TAFA1: variants seen among roughly 807,000 people sequenced by gnomAD.
TAFA1 encodes the protein chemokine-like protein TAFA-1.
In TAFA1, 4 loss-of-function variants were observed where a neutral mutation model predicts 18.5. The observed-to-expected ratio is 0.22, with a 90% CI of 0.11 to 0.49. The LOEUF (loss-of-function observed/expected upper bound fraction) is 0.49. TAFA1 is among the 20% of genes least tolerant of loss of function. The pLI is 0.98. For missense variants in TAFA1, 147 were observed against 169.0 expected, an observed-to-expected ratio of 0.87 and a Z score of 0.72; for synonymous variants, 56 against 55.2, an observed-to-expected ratio of 1.01 and a Z score of -0.06.
intron 2 of TAFA1, among the ~76,000 whole-genome samples, chr3:68,300,159 C>T (rs926756552): frequency 1.3e-5 from 2 of 152,176 alleles, no homozygotes; most frequent in Non-Finnish European, 2.9e-5. Flanking sequence ...GTACTCAATG[C>T]CAGTCCATGA....
At chr3:68,501,931 G>C (rs1384444453) in intron 3 of TAFA1, among the ~76,000 whole-genome samples, 1 of 152,104 alleles carries the variant, frequency 6.6e-6, no homozygotes, top group Non-Finnish European at 1.5e-5. Context: ...AGGCCCTCTG[G>C]CAGGAAAATC....
intron 3 of TAFA1, among the ~76,000 whole-genome samples, chr3:68,424,497 A>AT (rs571162244): frequency 2.6e-5 from 4 of 151,520 alleles, no homozygotes; most frequent in South Asian, 4.2e-4. Flanking sequence ...TGTAACTTTA[A>AT]TTTTTTTTTC....
At chr3:68,407,891 C>G (rs1224066188) in intron 2 of TAFA1, among the ~76,000 whole-genome samples, 1 of 152,144 alleles carries the variant, frequency 6.6e-6, no homozygotes, top group Non-Finnish European at 1.5e-5. Flanking sequence ...AATCAAGCAG[C>G]TATTTTGCCC....
At chr3:68,188,062 C>A (rs1003708717) in intron 2 of TAFA1, among the ~76,000 whole-genome samples, 1 of 151,812 alleles carries the variant, frequency 6.6e-6, no homozygotes, top group African/African-American at 2.4e-5. Context: ...GAATATAAGA[C>A]CTTGTTATCT....
At chr3:67,993,719 C>G in the TAFA1 span, among the ~76,000 whole-genome samples, 26 of 152,276 alleles carry the variant, frequency 1.7e-4, no homozygotes, top group African/African-American at 5.8e-4. Context: ...AGTACATCTT[C>G]TATTTTTACT....
intron 2 of TAFA1, among the ~76,000 whole-genome samples, chr3:68,165,574 C>T (rs1018072909): frequency 3.3e-5 from 5 of 152,220 alleles, no homozygotes; most frequent in Non-Finnish European, 7.3e-5. Flanking sequence ...GGTATGGCTT[C>T]TACTCTCAAA....
intron 2 of TAFA1, among the ~76,000 whole-genome samples, chr3:68,103,173 T>G (rs2065167576): frequency 6.6e-6 from 1 of 152,164 alleles, no homozygotes; most frequent in African/African-American, 2.4e-5. Context: ...TGAGGGGAAG[T>G]GGGTTCAGAA....
At chr3:68,443,314 T>C (rs1055205180) in intron 3 of TAFA1, among the ~76,000 whole-genome samples, 1 of 151,890 alleles carries the variant, frequency 6.6e-6, no homozygotes, top group Non-Finnish European at 1.5e-5. Flanking sequence ...ACCAAATATC[T>C]GTGCCTACTT....
intron 2 of TAFA1, among the ~76,000 whole-genome samples, chr3:68,254,312 G>T (rs934540395): frequency 6.6e-6 from 1 of 152,128 alleles, no homozygotes; most frequent in African/African-American, 2.4e-5. Flanking sequence ...TAATTACTGA[G>T]AAAAATATGA....
At chr3:68,450,257 A>G (rs2071549819) in intron 3 of TAFA1, among the ~76,000 whole-genome samples, 1 of 152,220 alleles carries the variant, frequency 6.6e-6, no homozygotes, top group Non-Finnish European at 1.5e-5. Flanking sequence ...TTTATGATTC[A>G]TTCAACTAAA....
chr3:68,407,522 A>G (rs1175635482), intron 2 of TAFA1, among the ~76,000 whole-genome samples: 1 of 152,198 alleles, frequency 6.6e-6, no homozygotes, highest in East Asian at 1.9e-4. Context: ...TATAGGATGC[A>G]ATATTCTTGA....
At chr3:68,386,688 T>C (rs181248239) in intron 2 of TAFA1, among the ~76,000 whole-genome samples, 36 of 152,282 alleles carry the variant, frequency 2.4e-4, no homozygotes, top group Non-Finnish European at 7.4e-5. Flanking sequence ...GCTGATGAAT[T>C]AGTTTTGTAG....
chr3:68,475,874 T>C (rs2072084512), intron 3 of TAFA1, among the ~76,000 whole-genome samples: 1 of 152,204 alleles, frequency 6.6e-6, no homozygotes, highest in Admixed American at 6.5e-5. Flanking sequence ...AGATGGTATC[T>C]CATTGTGGTT....
chr3:68,457,673 T>C (rs1332774976), intron 3 of TAFA1, among the ~76,000 whole-genome samples: 1 of 152,184 alleles, frequency 6.6e-6, no homozygotes, highest in Non-Finnish European at 1.5e-5. Context: ...TTTACTCTCT[T>C]AGCAATTTTC....
intron 2 of TAFA1, among the ~76,000 whole-genome samples, chr3:68,205,983 C>T (rs2066521910): frequency 6.6e-6 from 1 of 151,754 alleles, no homozygotes; most frequent in African/African-American, 2.4e-5. Context: ...CATAGTCACC[C>T]CCGATTAAAG....
chr3:68,351,059 A>C (rs1575797837), intron 2 of TAFA1, among the ~76,000 whole-genome samples: 1 of 152,120 alleles, frequency 6.6e-6, no homozygotes, highest in East Asian at 1.9e-4. Context: ...CATTGGCATC[A>C]TACAGGGAGC....
At chr3:68,152,938 A>G (rs1220797877) in intron 2 of TAFA1, among the ~76,000 whole-genome samples, 1 of 152,060 alleles carries the variant, frequency 6.6e-6, no homozygotes. Context: ...AACTAGAGAG[A>G]GGAGGGAATG....
At chr3:68,431,372 C>T (rs1374447457) in intron 3 of TAFA1, among the ~76,000 whole-genome samples, 1 of 151,994 alleles carries the variant, frequency 6.6e-6, no homozygotes, top group Non-Finnish European at 1.5e-5. Context: ...ATTATAACAA[C>T]TACAGGGACT....
At chr3:68,034,706 G>A (rs1341619180) in intron 2 of TAFA1, among the ~76,000 whole-genome samples, 1 of 152,186 alleles carries the variant, frequency 6.6e-6, no homozygotes, top group Non-Finnish European at 1.5e-5. Context: ...GTTCCACAGT[G>A]TAGGGACTCT....
Sources: gnomAD v4.1 joint callset for allele counts (sites outside exome capture counted in the v4.1 genomes callset) on GRCh38, gnomAD v4.1.1 for gene constraint, MANE v1.5 for transcripts, NCBI Gene and HGNC (gene_info 2026-07-23, HGNC 2026-07-21) for gene names.